The following INPPL1 variants were observed in gnomAD, a reference collection of about 807,000 sequenced individuals.
INPPL1 encodes phosphatidylinositol 3,4,5-trisphosphate 5-phosphatase 2.
In INPPL1, 91 loss-of-function variants were observed where a neutral mutation model predicts 139.3. That is an observed-to-expected ratio of 0.65 (90% CI 0.55 to 0.78). The LOEUF (loss-of-function observed/expected upper bound fraction) is 0.78. Among genes scored for constraint, INPPL1 ranks in the 30% least tolerant of loss-of-function variants. INPPL1 has a pLI of 0.00. For missense variants in INPPL1, 1,411 were observed against 1,665.6 expected, an observed-to-expected ratio of 0.85 and a Z score of 2.66; for synonymous variants, 719 against 686.6, an observed-to-expected ratio of 1.05 and a Z score of -0.74.
chr11:72,225,219 C>T (rs1471850703), intron 1 of INPPL1, 53 bp downstream of exon 1: 48 of 1,225,992 alleles, frequency 3.9e-5, no homozygotes, highest in Non-Finnish European at 3.8e-5. Flanking sequence ...AGCGCGGGCA[C>T]GGCCGGGTGT....
At chr11:72,227,988 G>GTATCA in intron 1 of INPPL1, 1 of 429,216 alleles carries the variant, frequency 2.3e-6, no homozygotes, top group Non-Finnish European at 4.2e-6. Context: ...GGGGTGTTCT[G>GTATCA]GTCATTCCTG....
chr11:72,231,724 T>C (rs930954222), intron 13 of INPPL1, 109 bp downstream of exon 13: 4 of 772,498 alleles, frequency 5.2e-6, no homozygotes, highest in Non-Finnish European at 9.2e-6. Context: ...AGTTTCCCCA[T>C]ATATAGGGTA....
chr11:72,223,594 CTTAA>C (rs1948575264), upstream of INPPL1: 1 of 152,138 alleles, frequency 6.6e-6, no homozygotes. Flanking sequence ...TTCGTTTCTC[CTTAA>C]TTAATAATAA....
chr11:72,226,290 T>C (rs1412114414), intron 1 of INPPL1, among the ~76,000 whole-genome samples: 1 of 151,798 alleles, frequency 6.6e-6, no homozygotes, highest in African/African-American at 2.4e-5. Context: ...AAGTGATTCT[T>C]CTGCCTCTGC....
chr11:72,238,059 C>T lies in INPPL1; in HGVS notation c.3570C>T (p.Gly1190=), dbSNP rs766679135. 7.7e-6 allele frequency: 12 copies of T among 1,560,376 alleles called. No individual in the cohort carries two copies. Among genetic ancestry groups the T allele is most frequent in the South Asian group, 2.4e-5 (2 of 82,282 alleles). The change falls in exon 27 of 28, where the codon GGC becomes GGT. Residue 1190 remains glycine (G), a synonymous_variant. Coordinates refer to ENST00000298229, the MANE Select transcript of INPPL1 (RefSeq NM_001567.4). The stretch of plus-strand genomic sequence containing the variant: ...TTCCTTAGGCTCCGTGCCTGCAGGG[C>T]GGGCGGGCCAGCGGGCTGGGCGAGG... ...DLAEEAPCLQ[G]GRASGLGEAG... is the part of the protein sequence containing the mutation.
chr11:72,230,388 G>C lies in INPPL1; in HGVS notation c.1117G>C (p.Val373Leu). Reference protein sequence around the residue: ...RIRQLIKSQRVQNKLGVVFEK... With the variant: ...RIRQLIKSQRLQNKLGVVFEK... Reference sequence around the variant, plus strand: ...CCGCCAGCTCATTAAGTCCCAGCGTGTCCAGAACAAGCTGGGTGTTGTGTT... The same window carrying C: ...CCGCCAGCTCATTAAGTCCCAGCGTCTCCAGAACAAGCTGGGTGTTGTGTT... The change falls in exon 10 of 28, where the codon GTC becomes CTC. Residue 373 changes from valine to leucine, a missense_variant. Val to Leu is a conservative substitution (Grantham distance 32). Coordinates refer to ENST00000298229, the MANE Select transcript of INPPL1 (RefSeq NM_001567.4). The C allele has an allele frequency of 6.2e-7, 1 of 1,614,128 alleles. No homozygotes were observed. Among genetic ancestry groups the C allele is most frequent in the Non-Finnish European group, 8.5e-7 (1 of 1,180,042 alleles).
Position 72,235,799 on chromosome 11 carries a change from G to A in INPPL1, c.2738+46G>A, listed in dbSNP as rs1948972021. ...ATGTCATATGAAAGGGTACCTGGGG[G>A]CATCTGGTCAACCCCACTTCATCTC... is the stretch of plus-strand genomic sequence containing the variant. On this transcript the variant is annotated intron_variant, in intron 24 of 27. Coordinates refer to ENST00000298229, the MANE Select transcript of INPPL1 (RefSeq NM_001567.4). This position sits in a 1 kb window ranked among gnomAD's most constrained non-coding sequence, Gnocchi z 4.9. The A allele has an allele frequency of 2.5e-6, 4 of 1,613,450 alleles. No homozygotes were observed. The highest frequency in any genetic ancestry group is 3.4e-6 in the Non-Finnish European group (4 of 1,179,774).
In INPPL1 at chr11:72,233,667, A is replaced by T; in HGVS notation, c.2135A>T (p.Asp712Val). 6.2e-7 allele frequency: 1 copy of T among 1,614,000 alleles called. No individual in the cohort carries two copies. The highest frequency in any genetic ancestry group is 1.1e-5 in the South Asian group (1 of 91,070). ...CCCCTCTCCCCAGGTTGCACTGATG[A>T]CATCGTCACCAGCGACCATTCCCCC... The part of the protein sequence containing the change: ...IICNSYGCTD[D>V]IVTSDHSPVF... The change falls in exon 19 of 28, where the codon GAC becomes GTC. Residue 712 changes from aspartate to valine, a missense_variant. By Grantham distance (152) the Asp-to-Val change is radical. Around this residue, in one of 5 missense-constraint regions of INPPL1, gnomAD observed 363 missense variants for 446.2 expected, o/e 0.81. Coordinates refer to ENST00000298229, the MANE Select transcript of INPPL1 (RefSeq NM_001567.4).
intron 13 of INPPL1, 28 bp downstream of exon 13, chr11:72,231,643 G>GAGACGCTGCCACTCT: frequency 2.0e-6 from 3 of 1,490,648 alleles, no homozygotes; most frequent in East Asian, 2.3e-5. Context: ...GTGCCCAAGA[G>GAGACGCTGCCACTCT]TGGCAGCGTC....
Position 72,228,934 on chromosome 11 carries a change from A to G in INPPL1, c.518+87A>G. On this transcript the variant is annotated intron_variant, in intron 4 of 27. Coordinates refer to ENST00000298229, the MANE Select transcript of INPPL1 (RefSeq NM_001567.4). The surrounding 1 kb of genome is among the most constrained non-coding windows in gnomAD (Gnocchi z 5.0). ...ACCAAAGGTGGGGAGGCCTTCTAAG[A>G]CCCCACCAGGGACCCCCACCCCACC... 6.6e-7 allele frequency: 1 copy of G among 1,519,606 alleles called. No homozygotes were observed. The highest frequency in any genetic ancestry group is 1.4e-5 in the African/African-American group (1 of 71,928). 94.1% of individuals were successfully genotyped at this position (1,519,606 alleles called of 1,614,324 possible). A position where few individuals can be genotyped will look rare whatever the true frequency, so the allele number is the denominator to read the frequency against.
rs1948906918 is a variant in INPPL1 at position 72,233,872 on chromosome 11, G to A, written c.2212+128G>A. ...TGTGTGTACCAGTGAGTGCAGGAGT[G>A]TTTCTCAAGGTGTGATGTGTCAGGG... On this transcript the variant is annotated intron_variant, in intron 19 of 27. Coordinates refer to ENST00000298229, the MANE Select transcript of INPPL1 (RefSeq NM_001567.4). The A allele has an allele frequency of 1.2e-5, 9 of 736,604 alleles. No individual in the cohort carries two copies. In the South Asian group the frequency reaches 1.5e-4, roughly 12 times the overall value. 45.6% of individuals were successfully genotyped at this position (736,604 alleles called of 1,614,324 possible). A position where few individuals can be genotyped will look rare whatever the true frequency, so the allele number is the denominator to read the frequency against.
chr11:72,232,837 C>A (rs778975324), intron 15 of INPPL1, 38 bp from the exon 16 acceptor site: 1 of 1,613,556 alleles, frequency 6.2e-7, no homozygotes, highest in Admixed American at 1.7e-5. Context: ...GCTCTGGCTC[C>A]GGAGGAATGT....
rs777376401 is a variant in INPPL1 at position 72,229,677 on chromosome 11, A to G, written c.768A>G (p.Thr256=). ...RLLQQQNLPQ[T]GEQELESLVL... is the part of the protein sequence containing the mutation. ...CCTCCCCCCAGAACCTGCCACAGAC[A>G]GGGGAGCAGGAACTAGAGAGCCTGG... The change falls in exon 7 of 28, where the codon ACA becomes ACG. Residue 256 remains threonine, a synonymous_variant. Coordinates refer to ENST00000298229, the MANE Select transcript of INPPL1 (RefSeq NM_001567.4). 6.2e-6 allele frequency: 10 copies of G among 1,614,048 alleles called. No individual in the cohort carries two copies. The highest frequency in any genetic ancestry group is 8.5e-6 in the Non-Finnish European group (10 of 1,179,942).
chr11:72,236,832 C>A (rs980640430), intron 25 of INPPL1, among the ~76,000 whole-genome samples: 1 of 152,166 alleles, frequency 6.6e-6, no homozygotes, highest in African/African-American at 2.4e-5. Context: ...TGTCTTCTGG[C>A]ACCTCTATTC....
Position 72,232,978 on chromosome 11 carries a change from A to G in INPPL1, c.1951+4A>G. 1.2e-6 allele frequency: 2 copies of G among 1,613,822 alleles called. No homozygotes were observed. The highest frequency in any genetic ancestry group is 1.7e-6 in the Non-Finnish European group (2 of 1,179,764). On this transcript the variant is annotated splice_donor_region_variant and intron_variant, in intron 16 of 27. Coordinates refer to ENST00000298229, the MANE Select transcript of INPPL1 (RefSeq NM_001567.4). ...CACAAGGTCTTCCTTCGATTCAGTG[A>G]GTGTGGGCCTGGTAGGTGGTGATCT...
chr11:72,238,102 C>G lies in INPPL1; in HGVS notation c.3613C>G (p.Leu1205Val). 6.3e-7 allele frequency: 1 copy of G among 1,583,476 alleles called. No homozygotes were observed. The highest frequency in any genetic ancestry group is 8.6e-7 in the Non-Finnish European group (1 of 1,164,438). Residue 1205 changes from leucine to valine, a missense_variant, in exon 27 of 28, where the codon CTG (leucine) becomes GTG (valine). This residue lies in a region of INPPL1 where 438 missense variants were observed against 425.7 expected (regional missense o/e 1.03). Coordinates refer to ENST00000298229, the MANE Select transcript of INPPL1 (RefSeq NM_001567.4). Reference protein sequence around the residue: ...GLGEAGMSAWLRAIGLERYEE... With the variant: ...GLGEAGMSAWVRAIGLERYEE... The stretch of plus-strand genomic sequence containing the variant: ...GGGCGAGGCAGGCATGAGTGCCTGG[C>G]TGCGGGCCATCGGCTTGGAGCGCTA...
rs1011661286 is a variant in INPPL1, at chr11:72,224,852, C to T, written c.-133C>T. 3.7e-6 allele frequency: 2 copies of T among 543,352 alleles called. No homozygotes were observed. The highest frequency in any genetic ancestry group is 4.8e-6 in the Non-Finnish European group (2 of 418,502). The allele number at this position is 543,352 out of a possible 1,614,324, so 33.7% of individuals were successfully genotyped here. A position where few individuals can be genotyped will look rare whatever the true frequency, so the allele number is the denominator to read the frequency against. ...GCCTGCGCGGCGGAGTGCTGAGTCC[C>T]GATCCCCGGCTCTGTCCGGCCCACG... On this transcript the variant is annotated 5_prime_UTR_variant, in exon 1 of 28. Transcript: ENST00000298229.
chr11:72,226,149 G>A (rs1229842249), intron 1 of INPPL1, among the ~76,000 whole-genome samples: 1 of 150,878 alleles, frequency 6.6e-6, no homozygotes, highest in Non-Finnish European at 1.5e-5. Flanking sequence ...TTTGGTCGGG[G>A]CGCACATTAG....
At chr11:72,230,690 C>A in intron 10 of INPPL1, 106 bp from the exon 11 acceptor site, 1 of 967,054 alleles carries the variant, frequency 1.0e-6, no homozygotes, top group South Asian at 1.5e-5. Context: ...AGTGGAGAAC[C>A]AGACAGACCC....
Sources: allele counts gnomAD v4.1 joint callset (sites outside exome capture counted in the v4.1 genomes callset), GRCh38; gene constraint gnomAD v4.1.1; regional missense constraint gnomAD v4.1.1; non-coding constraint Gnocchi (gnomAD v3.1); transcripts MANE v1.5; gene names NCBI Gene and HGNC (gene_info 2026-07-23, HGNC 2026-07-21).